The following KLHL1 variants were observed in gnomAD, a reference collection of about 807,000 sequenced individuals.
KLHL1 encodes the protein kelch like family member 1.
Under a neutral mutation model 77.7 loss-of-function variants are expected in KLHL1, and 47 were observed. That is an observed-to-expected ratio of 0.60 (90% CI 0.48 to 0.77). The LOEUF is 0.77. KLHL1 is among the 30% of genes least tolerant of loss of function. The pLI is 0.00. For synonymous variants in KLHL1, 360 were observed against 325.2 expected (o/e 1.11, Z -1.15); for missense variants, 925 against 910.8 (o/e 1.02, Z -0.20).
At chr13:69,780,217 A>G (rs79412558) in intron 7 of KLHL1, among the ~76,000 whole-genome samples, 3,508 of 152,098 alleles carry the variant, frequency 0.023, 134 homozygotes, top group African/African-American at 0.081. Context: ...CATTATTGAG[A>G]GACTTAACTT....
At chr13:69,981,631 A>G (rs1884713583) in intron 1 of KLHL1, among the ~76,000 whole-genome samples, 2 of 152,046 alleles carry the variant, frequency 1.3e-5, no homozygotes, top group South Asian at 4.1e-4. Flanking sequence ...AGTTATATGT[A>G]TTTTAATTTT....
intron 1 of KLHL1, among the ~76,000 whole-genome samples, chr13:70,101,158 T>C (rs1025034083): frequency 6.6e-6 from 1 of 152,164 alleles, no homozygotes; most frequent in Admixed American, 6.5e-5. Flanking sequence ...TGATTACATA[T>C]GTAGGCTTTC....
At chr13:69,796,117 C>G (rs2138037136) in intron 7 of KLHL1, among the ~76,000 whole-genome samples, 1 of 152,240 alleles carries the variant, frequency 6.6e-6, no homozygotes, top group South Asian at 2.1e-4. Context: ...TTGGAGTCTA[C>G]TCTTTTAGAG....
rs574482194 is a variant in KLHL1, at chr13:69,758,949, A to C, written c.1640-18393T>G. Reference sequence around the variant, plus strand: ...CTGAAAATAAGTTTGAAACGATGACACAGGTACCCTCCCTAATGTTCCCCC... The same window carrying C: ...CTGAAAATAAGTTTGAAACGATGACCCAGGTACCCTCCCTAATGTTCCCCC... On this transcript the variant is annotated intron_variant, in intron 7 of 10. Transcript: ENST00000377844. 2.2e-4 allele frequency among the ~76,000 whole-genome samples: 33 copies of C among 152,276 alleles called. No individual in the cohort carries two copies. In the East Asian group the frequency reaches 6.2e-3, roughly 29 times the overall value.
intron 7 of KLHL1, among the ~76,000 whole-genome samples, chr13:69,794,327 C>T (rs1054051043): frequency 6.6e-6 from 1 of 152,074 alleles, no homozygotes; most frequent in African/African-American, 2.4e-5. Flanking sequence ...GTATCATATG[C>T]CTTAGCCCTT....
chr13:69,789,367 A>ATTTAC (rs1437403311), intron 7 of KLHL1, among the ~76,000 whole-genome samples: 1 of 151,474 alleles, frequency 6.6e-6, no homozygotes, highest in African/African-American at 2.4e-5. Flanking sequence ...TTACATTATT[A>ATTTAC]TTTACTTTTT....
At chr13:69,950,977 A>G (rs1883689746) in intron 3 of KLHL1, among the ~76,000 whole-genome samples, 1 of 151,606 alleles carries the variant, frequency 6.6e-6, no homozygotes, top group Non-Finnish European at 1.5e-5. Context: ...TATTTAAAAT[A>G]TTTTGAATAC....
intron 1 of KLHL1, among the ~76,000 whole-genome samples, chr13:69,990,802 T>C (rs1885009619): frequency 6.6e-6 from 1 of 152,066 alleles, no homozygotes; most frequent in Non-Finnish European, 1.5e-5. Flanking sequence ...CTTGACCAAA[T>C]GGACCTAATA....
chr13:70,068,268 G>A (rs866792677), intron 1 of KLHL1, among the ~76,000 whole-genome samples: 1 of 152,060 alleles, frequency 6.6e-6, no homozygotes, highest in Non-Finnish European at 1.5e-5. Flanking sequence ...GTGAACCCGG[G>A]AGGCGGAGCT....
chr13:69,910,219 A>C (rs1342705920), intron 4 of KLHL1, among the ~76,000 whole-genome samples: 2 of 152,076 alleles, frequency 1.3e-5, no homozygotes, highest in East Asian at 3.8e-4. Context: ...GATCCATGAC[A>C]TCATTATATA....
chr13:69,720,843 C>A (rs968841107), intron 8 of KLHL1, among the ~76,000 whole-genome samples: 2 of 149,950 alleles, frequency 1.3e-5, no homozygotes, highest in East Asian at 2.0e-4. Context: ...TGGCAGCTTA[C>A]AAGGTGCATG....
At chr13:69,844,846 T>C (rs1282561163) in intron 5 of KLHL1, among the ~76,000 whole-genome samples, 1 of 151,614 alleles carries the variant, frequency 6.6e-6, no homozygotes, top group Non-Finnish European at 1.5e-5. Flanking sequence ...ACTTCATATG[T>C]ACAAAAGAAA....
chr13:70,085,350 A>C (rs1887510695), intron 1 of KLHL1, among the ~76,000 whole-genome samples: 1 of 152,196 alleles, frequency 6.6e-6, no homozygotes, highest in Non-Finnish European at 1.5e-5. Flanking sequence ...CACAAGAACC[A>C]AAGTACTGTA....
chr13:69,830,730 T>C (rs925754617), intron 6 of KLHL1, among the ~76,000 whole-genome samples: 2 of 149,984 alleles, frequency 1.3e-5, no homozygotes, highest in Non-Finnish European at 3.0e-5. Flanking sequence ...TTAAGAAAAC[T>C]GAAATTATAT....
At chr13:70,021,770 T>C (rs1242241132) in intron 1 of KLHL1, among the ~76,000 whole-genome samples, 2 of 152,054 alleles carry the variant, frequency 1.3e-5, no homozygotes, top group Non-Finnish European at 2.9e-5. Flanking sequence ...TTGGTTTTCA[T>C]CTGTATATCT....
chr13:69,745,560 G>A (rs1202189995), intron 7 of KLHL1, among the ~76,000 whole-genome samples: 3 of 151,858 alleles, frequency 2.0e-5, no homozygotes, highest in African/African-American at 7.2e-5. Context: ...AAGCAATAAT[G>A]TTGGTGGAAT....
At chr13:70,093,164 A>G (rs1017598787) in intron 1 of KLHL1, among the ~76,000 whole-genome samples, 4 of 152,174 alleles carry the variant, frequency 2.6e-5, no homozygotes, top group African/African-American at 9.7e-5. Flanking sequence ...TGAATATCTT[A>G]GAAGAGGTGA....
In KLHL1 at chr13:69,839,016, G is replaced by T; in HGVS notation, c.1374C>A (p.Val458=). 4.3e-6 allele frequency: 7 copies of T among 1,609,246 alleles called. No individual in the cohort carries two copies. Among genetic ancestry groups the T allele is most frequent in the Non-Finnish European group, 5.9e-6 (7 of 1,177,480 alleles). Reference sequence around the variant, plus strand: ...TTCCTCCTACAGCATACAAAGTTCCGACTGTAGATTTTCTGGGTTTAGTTC... The same window carrying T: ...TTCCTCCTACAGCATACAAAGTTCCTACTGTAGATTTTCTGGGTTTAGTTC... ...SPRTKPRKST[V]GTLYAVGGMD... is the part of the protein sequence containing the mutation. Residue 458 remains valine (V), a synonymous_variant, in exon 6 of 11, where the codon GTC becomes GTA. Transcript: ENST00000377844.
At chr13:69,922,706 A>G (rs1391168279) in intron 4 of KLHL1, among the ~76,000 whole-genome samples, 1 of 152,210 alleles carries the variant, frequency 6.6e-6, no homozygotes, top group Non-Finnish European at 1.5e-5. Flanking sequence ...TTTGGTAAAT[A>G]TATTACAAAG....
Sources: allele counts gnomAD v4.1 joint callset (sites outside exome capture counted in the v4.1 genomes callset), GRCh38; gene constraint gnomAD v4.1.1; transcripts MANE v1.5; gene names NCBI Gene and HGNC (gene_info 2026-07-23, HGNC 2026-07-21).